The following METTL3 variants were observed in gnomAD, a reference collection of about 807,000 sequenced individuals.
The protein encoded by METTL3 is N(6)-adenosine-methyltransferase catalytic subunit METTL3.
In METTL3, 42 loss-of-function variants were observed where a neutral mutation model predicts 64.3. The ratio of observed to expected loss-of-function variants is 0.65; its 90% CI spans 0.51 to 0.84. The LOEUF (loss-of-function observed/expected upper bound fraction) is 0.84, where lower values mean the gene tolerates loss of function less well. Among genes scored for constraint, METTL3 ranks in the 40% least tolerant of loss-of-function variants. The probability of loss-of-function intolerance (pLI) is 0.00; values close to 1 mark genes in which losing one functional copy is unlikely to be tolerated. For missense variants in METTL3, 435 were observed against 722.3 expected (o/e 0.60, Z 4.56); for synonymous variants, 256 against 263.6 (o/e 0.97, Z 0.28).
intron 1 of METTL3, among the ~76,000 whole-genome samples, chr14:21,509,820 A>G (rs17197170): frequency 0.1 from 15,167 of 152,270 alleles, 1,112 homozygotes; most frequent in Non-Finnish European, 0.16. Context: ...CTATAAATAA[A>G]TCAATGAAGT....
intron 6 of METTL3, among the ~76,000 whole-genome samples, chr14:21,500,058 A>T (rs969813203): frequency 3.3e-5 from 5 of 152,072 alleles, no homozygotes; most frequent in African/African-American, 1.2e-4. Flanking sequence ...AGGCATTAGG[A>T]CTCAGTAGAA....
chr14:21,500,664 G>A lies in METTL3; in HGVS notation c.1135C>T (p.Arg379Cys), dbSNP rs771889155. Reference sequence around the variant, plus strand: ...CCCAAGATACTGACGTCCAGGTAGCGGATATCACAACAGATCCACTGCATA... The same window carrying A: ...CCCAAGATACTGACGTCCAGGTAGCAGATATCACAACAGATCCACTGCATA... ...FPPQWICCDI[R>C]YLDVSILGKF... The change falls in exon 6 of 11, where the codon CGC becomes TGC. Residue 379 changes from arginine (R) to cysteine (C), a missense_variant. Around this residue, in one of 9 missense-constraint regions of METTL3, gnomAD observed 67 missense variants for 71.5 expected, o/e 0.94. Transcript: ENST00000298717. 1.2e-6 allele frequency: 2 copies of A among 1,613,782 alleles called. No individual in the cohort carries two copies. Among genetic ancestry groups the A allele is most frequent in the African/African-American group, 1.3e-5 (1 of 74,982 alleles).
rs561913376 is a variant in METTL3, at chr14:21,499,945, G to A, written c.1305-143C>T. On this transcript the variant is annotated intron_variant, in intron 6 of 10. Coordinates refer to ENST00000298717, the MANE Select transcript of METTL3 (RefSeq NM_019852.5). ...CATGCACACCACCAAAAGCATGGTGGATCTAAGAACGAAAAGATAAAACTA... is the reference window on the plus strand; with the variant it reads ...CATGCACACCACCAAAAGCATGGTGAATCTAAGAACGAAAAGATAAAACTA... 9 of 748,396 alleles carry A rather than the reference G, an allele frequency of 1.2e-5. 1 individual carries two copies. The highest frequency in any genetic ancestry group is 1.1e-4 in the African/African-American group (6 of 56,698). The allele number at this position is 748,396 out of a possible 1,614,324, so 46.4% of individuals were successfully genotyped here.
chr14:21,502,717 C>G (rs781176585), intron 3 of METTL3: 48 of 162,732 alleles, frequency 2.9e-4, no homozygotes, highest in Non-Finnish European at 4.8e-4. Flanking sequence ...TGCTTATACT[C>G]AGAACCAATT....
chr14:21,501,027 A>G lies in METTL3; in HGVS notation c.1002T>C (p.Asp334=). The change falls in exon 5 of 11, where the codon GAT becomes GAC. Residue 334 remains aspartate, a synonymous_variant. Coordinates refer to ENST00000298717, the MANE Select transcript of METTL3 (RefSeq NM_019852.5). The part of the protein sequence containing the change: ...DTCKYVHYEI[D]ACMDSEAPGS... ...CAGGGGCCTCAGAATCCATGCAAGC[A>G]TCAATTTCATAGTGAACATACTTGC... 6.2e-7 allele frequency: 1 copy of G among 1,614,204 alleles called. No homozygotes were observed. Among genetic ancestry groups the G allele is most frequent in the Non-Finnish European group, 8.5e-7 (1 of 1,180,034 alleles).
At chr14:21,499,720 T>C (rs2139639661) in intron 7 of METTL3, 44 bp downstream of exon 7, 2 of 1,596,352 alleles carry the variant, frequency 1.3e-6, no homozygotes, top group Non-Finnish European at 1.7e-6. Context: ...TATCTCACTG[T>C]AACAGTATTA....
chr14:21,503,045 G>A, intron 3 of METTL3, 128 bp downstream of exon 3: 1 of 1,010,930 alleles, frequency 9.9e-7, no homozygotes, highest in East Asian at 2.4e-5. Flanking sequence ...CCTGGGAGTT[G>A]GGCAGTAGGG....
At chr14:21,507,780 A>C (rs1209780471) in intron 1 of METTL3, 1 of 152,262 alleles carries the variant, frequency 6.6e-6, no homozygotes, top group African/African-American at 2.4e-5. Context: ...GGGTTTCCTA[A>C]GAATCCTAAA....
chr14:21,500,415 A>G (rs1891533416), intron 6 of METTL3, 80 bp downstream of exon 6: 2 of 1,452,564 alleles, frequency 1.4e-6, no homozygotes, highest in African/African-American at 1.4e-5. Context: ...TGGGGCTAGG[A>G]AAACCCAGGA....
At chr14:21,507,614 G>A (rs1891730060) in intron 1 of METTL3, 1 of 152,202 alleles carries the variant, frequency 6.6e-6, no homozygotes, top group East Asian at 1.9e-4. Context: ...AGTGAGCCGA[G>A]ATCGCGCCAC....
chr14:21,500,371 G>GA, intron 6 of METTL3, 124 bp downstream of exon 6: 2 of 778,724 alleles, frequency 2.6e-6, no homozygotes, highest in South Asian at 1.9e-5. Flanking sequence ...CAAAAAAAAA[G>GA]AAAAAAAGAC....
chr14:21,503,141 A>G (rs767790983), intron 3 of METTL3, 32 bp downstream of exon 3: 5 of 1,575,192 alleles, frequency 3.2e-6, no homozygotes, highest in Non-Finnish European at 4.3e-6. Flanking sequence ...AATTAAGAGC[A>G]TATTGTGAGA....
At chr14:21,499,272 A>C (rs745848069) in intron 9 of METTL3, 34 bp downstream of exon 9, 1 of 1,613,466 alleles carries the variant, frequency 6.2e-7, no homozygotes, top group Non-Finnish European at 8.5e-7. Flanking sequence ...ACCAACAAAA[A>C]TGTGGAAGCT....
intron 9 of METTL3, 61 bp from the exon 10 acceptor site, chr14:21,499,198 ATTATG>A: frequency 6.3e-7 from 1 of 1,578,496 alleles, no homozygotes; most frequent in South Asian, 1.1e-5. Context: ...AGCCCTTTCT[ATTATG>A]TTTATGATCT....
chr14:21,506,370 G>A (rs1238485512), intron 1 of METTL3, among the ~76,000 whole-genome samples: 1 of 151,688 alleles, frequency 6.6e-6, no homozygotes, highest in Admixed American at 6.6e-5. Flanking sequence ...TGGCTAACAC[G>A]GTGAAACCCC....
rs553203598 is a variant in METTL3, at chr14:21,507,339, A to G, written c.101-3458T>C. On this transcript the variant is annotated intron_variant, in intron 1 of 10. Transcript: ENST00000298717. ...TTTGACACTCAGTTCAGTAGTCGGT[A>G]ATTATCAGATTTCAGTAATGCTGTA... 4.6e-5 allele frequency among the ~76,000 whole-genome samples: 7 copies of G among 152,232 alleles called. No homozygotes were observed. The South Asian group carries it at 6.2e-4, about 14-fold the overall frequency.
chr14:21,504,051 C>G (rs1483836685), intron 1 of METTL3, 170 bp from the exon 2 acceptor site: 8 of 611,240 alleles, frequency 1.3e-5, no homozygotes, highest in African/African-American at 1.8e-5. Flanking sequence ...CTAAAACATT[C>G]ACTGCTTTGT....
intron 1 of METTL3, among the ~76,000 whole-genome samples, chr14:21,507,059 T>C (rs1891715281): frequency 6.6e-6 from 1 of 151,976 alleles, no homozygotes; most frequent in African/African-American, 2.4e-5. Context: ...TGGACACCTG[T>C]AGTCACAACT....
At chr14:21,499,277 G>GT in intron 9 of METTL3, 29 bp downstream of exon 9, 1 of 1,613,792 alleles carries the variant, frequency 6.2e-7, no homozygotes, top group Non-Finnish European at 8.5e-7. Flanking sequence ...CAAAAATGTG[G>GT]AAGCTTTGGA....
Sources: allele counts gnomAD v4.1 joint callset (sites outside exome capture counted in the v4.1 genomes callset), GRCh38; gene constraint gnomAD v4.1.1; regional missense constraint gnomAD v4.1.1; transcripts MANE v1.5; gene names NCBI Gene and HGNC (gene_info 2026-07-23, HGNC 2026-07-21).